Variants in ZCCHC7 observed in about 807,000 individuals in gnomAD.
ZCCHC7 encodes the protein zinc finger CCHC-type containing 7.
A neutral mutation model predicts 52.0 loss-of-function variants in ZCCHC7; 35 were observed. That is an observed-to-expected ratio of 0.67 (90% confidence interval 0.51 to 0.89). The LOEUF is 0.89. ZCCHC7 is among the 40% of genes least tolerant of loss of function. The pLI, the probability that ZCCHC7 is intolerant of heterozygous loss-of-function variation, is 0.00. For missense variants in ZCCHC7, 574 were observed against 649.1 expected, an observed-to-expected ratio of 0.88 and a Z score of 1.26; for synonymous variants, 217 against 221.5, an observed-to-expected ratio of 0.98 and a Z score of 0.18.
chr9:37,318,337 T>C (rs1039485976), intron 5 of ZCCHC7, among the ~76,000 whole-genome samples: 1 of 151,978 alleles, frequency 6.6e-6, no homozygotes, highest in Non-Finnish European at 1.5e-5. Context: ...TGGTGGGCTC[T>C]GTAATCCCAA....
rs75241452 is a variant in ZCCHC7 at position 37,354,382 on chromosome 9, C to T, written c.1084-328C>T. 0.051 allele frequency among the ~76,000 whole-genome samples: 7,753 copies of T among 151,946 alleles called. 647 individuals are homozygous for T. Among genetic ancestry groups the T allele is most frequent in the African/African-American group, 0.18 (7,259 of 41,388 alleles). On this transcript the variant is annotated intron_variant, in intron 7 of 8. Transcript: ENST00000336755. The surrounding 1 kb of genome is among the most constrained non-coding windows in gnomAD (Gnocchi z 4.0). Reference sequence around the variant, plus strand: ...CAAAGGAGTAATACTAACATGAGGCCGAATAACATAAACCCACTAACAGAG... The same window carrying T: ...CAAAGGAGTAATACTAACATGAGGCTGAATAACATAAACCCACTAACAGAG...
At chr9:37,287,629 A>C (rs1828316056) in intron 2 of ZCCHC7, among the ~76,000 whole-genome samples, 1 of 152,208 alleles carries the variant, frequency 6.6e-6, no homozygotes, top group Non-Finnish European at 1.5e-5. Flanking sequence ...AAACAGGTAG[A>C]AACTGTTTAA....
At chr9:37,165,092 T>C (rs369654842) in intron 2 of ZCCHC7, among the ~76,000 whole-genome samples, 17 of 152,216 alleles carry the variant, frequency 1.1e-4, no homozygotes, top group African/African-American at 3.9e-4. Context: ...CCCTGAGTGT[T>C]TTATATTTTT....
At position 37,354,673 on chromosome 9, in the gene ZCCHC7, G is replaced by A. The variant is rs1322240767; in HGVS notation, c.1084-37G>A. On this transcript the variant is annotated intron_variant, in intron 7 of 8. Transcript: ENST00000336755. This position sits in a 1 kb window ranked among gnomAD's most constrained non-coding sequence, Gnocchi z 4.0. ...TTGCAAAAAGGTTTTTGAACAGTGTGACCATGTGACATCATAATTTTACAT... is the reference window on the plus strand; with the variant it reads ...TTGCAAAAAGGTTTTTGAACAGTGTAACCATGTGACATCATAATTTTACAT... 2 of 1,481,822 alleles carry A rather than the reference G, an allele frequency of 1.3e-6. No homozygotes were observed. Among genetic ancestry groups the A allele is most frequent in the Non-Finnish European group, 1.9e-6 (2 of 1,065,284 alleles). 91.8% of individuals were successfully genotyped at this position (1,481,822 alleles called of 1,614,324 possible). A position where few individuals can be genotyped will look rare whatever the true frequency, so the allele number is the denominator to read the frequency against.
chr9:37,218,062 A>G (rs539632095), intron 2 of ZCCHC7, among the ~76,000 whole-genome samples: 44 of 152,312 alleles, frequency 2.9e-4, no homozygotes, highest in Non-Finnish European at 5.0e-4. Flanking sequence ...GCAGTAGCCT[A>G]TGAAAAATCG....
At chr9:37,200,485 C>T (rs1482878946) in intron 2 of ZCCHC7, among the ~76,000 whole-genome samples, 1 of 152,200 alleles carries the variant, frequency 6.6e-6, no homozygotes, top group African/African-American at 2.4e-5. Context: ...ACCATCATGT[C>T]CAACTCCATG....
intron 2 of ZCCHC7, among the ~76,000 whole-genome samples, chr9:37,274,863 A>G (rs1394168469): frequency 6.6e-6 from 1 of 151,872 alleles, no homozygotes; most frequent in Non-Finnish European, 1.5e-5. Context: ...ATGAATACCA[A>G]TTTTGTTTTA....
At chr9:37,225,857 T>C (rs1305756944) in intron 2 of ZCCHC7, among the ~76,000 whole-genome samples, 1 of 152,232 alleles carries the variant, frequency 6.6e-6, no homozygotes, top group Admixed American at 6.5e-5. Context: ...GCTCTCACTT[T>C]AAAACTGGGA....
intron 5 of ZCCHC7, among the ~76,000 whole-genome samples, chr9:37,323,029 C>T (rs1588670670): frequency 6.6e-6 from 1 of 152,254 alleles, no homozygotes; most frequent in East Asian, 1.9e-4. Context: ...CCTTAAATAT[C>T]ACAACAATCC....
At chr9:37,346,795 G>A (rs1821002796) in intron 6 of ZCCHC7, among the ~76,000 whole-genome samples, 1 of 152,196 alleles carries the variant, frequency 6.6e-6, no homozygotes, top group African/African-American at 2.4e-5. Flanking sequence ...GGGCAACATA[G>A]TGAGTCCCTG....
chr9:37,178,457 G>A (rs1822173828), intron 2 of ZCCHC7, among the ~76,000 whole-genome samples: 2 of 136,050 alleles, frequency 1.5e-5, no homozygotes, highest in African/African-American at 2.8e-5. Flanking sequence ...AAGGTAAAAA[G>A]GAAGGAAAGA....
intron 5 of ZCCHC7, among the ~76,000 whole-genome samples, chr9:37,320,006 A>G (rs1413136496): frequency 6.6e-6 from 1 of 152,176 alleles, no homozygotes. Flanking sequence ...TCTTGTTGCC[A>G]ATGCCATATG....
chr9:37,227,877 A>C (rs1193201157), intron 2 of ZCCHC7, among the ~76,000 whole-genome samples: 4 of 151,754 alleles, frequency 2.6e-5, no homozygotes, highest in Non-Finnish European at 5.9e-5. Flanking sequence ...GACACAGCTC[A>C]CTCTGCCTCC....
chr9:37,237,382 A>G (rs918655446), intron 2 of ZCCHC7, among the ~76,000 whole-genome samples: 1 of 152,232 alleles, frequency 6.6e-6, no homozygotes, highest in African/African-American at 2.4e-5. Context: ...TTAAGGTTTC[A>G]TGAATAGATA....
chr9:37,338,917 C>T (rs879504618), intron 6 of ZCCHC7, among the ~76,000 whole-genome samples: 1 of 151,996 alleles, frequency 6.6e-6, no homozygotes, highest in Non-Finnish European at 1.5e-5. Flanking sequence ...TGTAATCACC[C>T]GATAGACTAG....
intron 2 of ZCCHC7, among the ~76,000 whole-genome samples, chr9:37,177,959 A>G (rs1488242683): frequency 6.6e-6 from 1 of 152,166 alleles, no homozygotes; most frequent in Non-Finnish European, 1.5e-5. Flanking sequence ...TAAAGAAATC[A>G]TGTATGAGCT....
At chr9:37,324,690 A>G (rs1034934006) in intron 5 of ZCCHC7, among the ~76,000 whole-genome samples, 17 of 152,162 alleles carry the variant, frequency 1.1e-4, no homozygotes, top group Non-Finnish European at 2.5e-4. Flanking sequence ...TGCAAATGCT[A>G]GCATGTTAGT....
At position 37,331,182 on chromosome 9, in the gene ZCCHC7, AT is replaced by A. The variant is rs546957227; in HGVS notation, c.987+3349del. Reference sequence around the variant, plus strand: ...TGTTTTTTTATATATAATGTTTTGAATGCCTAGAATTCACACTTCAAAAAAT... The same window carrying A: ...TGTTTTTTTATATATAATGTTTTGAAGCCTAGAATTCACACTTCAAAAAAT... On this transcript the variant is annotated intron_variant, in intron 6 of 8. Coordinates refer to ENST00000336755, the MANE Select transcript of ZCCHC7 (RefSeq NM_032226.3). Among the ~76,000 whole-genome samples, 19 of 151,714 alleles carry A rather than the reference AT, an allele frequency of 1.3e-4. No individual in the cohort carries two copies. In the South Asian group the frequency reaches 2.7e-3, roughly 22 times the overall value.
intron 2 of ZCCHC7, among the ~76,000 whole-genome samples, chr9:37,277,159 A>T (rs1346113724): frequency 1.3e-5 from 2 of 152,226 alleles, no homozygotes; most frequent in Non-Finnish European, 2.9e-5. Flanking sequence ...TGTAAAAAAG[A>T]TTTTAATTAT....
Sources: gnomAD v4.1 joint callset for allele counts (sites outside exome capture counted in the v4.1 genomes callset) on GRCh38, gnomAD v4.1.1 for gene constraint, Gnocchi (gnomAD v3.1) non-coding constraint, MANE v1.5 for transcripts, NCBI Gene and HGNC (gene_info 2026-07-23, HGNC 2026-07-21) for gene names.